Variants in PDE8A observed in about 807,000 individuals in gnomAD.
PDE8A encodes phosphodiesterase 8A, also known as high affinity cAMP-specific and IBMX-insensitive 3',5'-cyclic phosphodiesterase 8A.
In PDE8A, 59 loss-of-function variants were observed where a neutral mutation model predicts 105.0. The ratio of observed to expected loss-of-function variants is 0.56; its 90% CI spans 0.46 to 0.70. PDE8A has a LOEUF of 0.70. Ranked by LOEUF, PDE8A falls within the 30% of genes least tolerant of loss-of-function variation. PDE8A has a pLI of 0.00. For missense variants in PDE8A, 1,014 were observed against 1,045.9 expected, an observed-to-expected ratio of 0.97 and a Z score of 0.42; for synonymous variants, 355 against 371.9, an observed-to-expected ratio of 0.95 and a Z score of 0.52.
intron 5 of PDE8A, among the ~76,000 whole-genome samples, chr15:85,080,977 T>C (rs1327014141): frequency 6.6e-6 from 1 of 152,228 alleles, no homozygotes; most frequent in Non-Finnish European, 1.5e-5. Flanking sequence ...GAGGAATTCA[T>C]GCGGTCAACC....
In PDE8A at chr15:85,076,740, A is replaced by G. The variant is rs1227416591; in HGVS notation, c.499A>G (p.Arg167Gly). The G allele has an allele frequency of 1.2e-5, 19 of 1,591,940 alleles. No individual in the cohort carries two copies. The highest frequency in any genetic ancestry group is 1.6e-5 in the Non-Finnish European group (19 of 1,159,890). ...VIVGVVRRVD[R>G]EELSVMPFIS... ...TACTGTGTTATTTTGAAGGGTGGAT[A>G]GAGAAGAGTTGTCCGTAATGCCTTT... The change falls in exon 5 of 22, where the codon AGA (arginine) becomes GGA (glycine). Residue 167 changes from arginine (R) to glycine (G), a missense_variant. Transcript: ENST00000394553.
At chr15:84,981,447 C>T (rs369137724), upstream of PDE8A, among the ~76,000 whole-genome samples, 366 of 152,278 alleles carry the variant, frequency 2.4e-3, 4 homozygotes, top group East Asian at 9.1e-3. Flanking sequence ...TTCTGCGCTT[C>T]TCGACGGTGC....
At chr15:85,012,539 G>T (rs188330702) in intron 1 of PDE8A, among the ~76,000 whole-genome samples, 175 of 147,556 alleles carry the variant, frequency 1.2e-3, no homozygotes, top group African/African-American at 4.2e-3. Flanking sequence ...CACACTCTGG[G>T]GGCTGTTGTG....
At chr15:85,041,131 T>G (rs902316429) in intron 1 of PDE8A, among the ~76,000 whole-genome samples, 2 of 152,172 alleles carry the variant, frequency 1.3e-5, no homozygotes, top group African/African-American at 2.4e-5. Context: ...ACCTCAGTAA[T>G]TGGTTCCTGA....
chr15:85,096,079 G>A (rs560989868), intron 8 of PDE8A, among the ~76,000 whole-genome samples: 2 of 151,614 alleles, frequency 1.3e-5, no homozygotes, highest in East Asian at 2.0e-4. Flanking sequence ...GTTTCACCAC[G>A]TTGGCCAGGG....
At chr15:85,005,265 C>T (rs560734280) in intron 1 of PDE8A, among the ~76,000 whole-genome samples, 7 of 152,088 alleles carry the variant, frequency 4.6e-5, no homozygotes, top group Non-Finnish European at 8.8e-5. Context: ...CTGCCATGCA[C>T]CACCACATCT....
intron 5 of PDE8A, among the ~76,000 whole-genome samples, chr15:85,079,061 C>A (rs575031842): frequency 6.6e-6 from 1 of 152,264 alleles, no homozygotes; most frequent in Admixed American, 6.5e-5. Flanking sequence ...CTGCCATGTG[C>A]ATACTCCTTC....
At chr15:85,137,021 A>C (rs2082421660) in intron 21 of PDE8A, among the ~76,000 whole-genome samples, 1 of 152,090 alleles carries the variant, frequency 6.6e-6, no homozygotes, top group Non-Finnish European at 1.5e-5. Flanking sequence ...CACTCTACAC[A>C]AGACCAGAAG....
intron 1 of PDE8A, among the ~76,000 whole-genome samples, chr15:85,055,349 A>G (rs2081043409): frequency 6.6e-6 from 1 of 152,142 alleles, no homozygotes; most frequent in African/African-American, 2.4e-5. Context: ...AGCTGAGTTC[A>G]ATTCCTGGAT....
At chr15:85,071,119 T>C (rs56123990) in intron 3 of PDE8A, among the ~76,000 whole-genome samples, 17,960 of 152,170 alleles carry the variant, frequency 0.12, 1,484 homozygotes, top group East Asian at 0.37. Flanking sequence ...CTCTACTGTA[T>C]CTGTCGTACC....
At chr15:85,131,790 A>T (rs1484919340) in intron 20 of PDE8A, among the ~76,000 whole-genome samples, 2 of 152,138 alleles carry the variant, frequency 1.3e-5, no homozygotes, top group Non-Finnish European at 2.9e-5. Context: ...TCTAATGGTA[A>T]TGAATTCCCT....
At chr15:85,126,916 A>G (rs1038708975) in intron 20 of PDE8A, among the ~76,000 whole-genome samples, 6 of 152,228 alleles carry the variant, frequency 3.9e-5, no homozygotes, top group African/African-American at 1.2e-4. Context: ...CCCATCAAAA[A>G]CTATGAAGGC....
intron 19 of PDE8A, among the ~76,000 whole-genome samples, chr15:85,125,936 A>G (rs968596901): frequency 6.6e-6 from 1 of 152,196 alleles, no homozygotes; most frequent in African/African-American, 2.4e-5. Flanking sequence ...AAGAGAAGAA[A>G]GAGGCAAGGA....
At chr15:84,991,745 T>C (rs958314615) in intron 1 of PDE8A, among the ~76,000 whole-genome samples, 5 of 152,232 alleles carry the variant, frequency 3.3e-5, no homozygotes, top group African/African-American at 1.2e-4. Flanking sequence ...AAAGGAATAC[T>C]TCACAGCTGT....
chr15:85,013,164 A>G (rs565350043), intron 1 of PDE8A, among the ~76,000 whole-genome samples: 4 of 152,220 alleles, frequency 2.6e-5, no homozygotes, highest in Non-Finnish European at 4.4e-5. Flanking sequence ...TTTGTAAGGG[A>G]TGGAAGGTAG....
chr15:85,021,320 T>C (rs903150745), intron 1 of PDE8A, among the ~76,000 whole-genome samples: 4 of 152,124 alleles, frequency 2.6e-5, no homozygotes, highest in East Asian at 3.9e-4. Context: ...GGTGGGAGGA[T>C]TGCTTGAAGC....
intron 1 of PDE8A, among the ~76,000 whole-genome samples, chr15:84,995,814 C>T (rs929935967): frequency 2.0e-5 from 3 of 152,164 alleles, no homozygotes; most frequent in Non-Finnish European, 4.4e-5. Context: ...GGATTATAGG[C>T]ATGCACTACT....
intron 1 of PDE8A, among the ~76,000 whole-genome samples, chr15:84,994,284 A>G (rs1342826512): frequency 6.6e-6 from 1 of 152,238 alleles, no homozygotes; most frequent in Non-Finnish European, 1.5e-5. Context: ...GATATTAATT[A>G]CACTCACTTT....
chr15:84,981,355 A>T (rs1314186939), upstream of PDE8A, among the ~76,000 whole-genome samples: 3 of 152,036 alleles, frequency 2.0e-5, no homozygotes, highest in African/African-American at 7.2e-5. Context: ...TCGGCGCGGC[A>T]CGCTGCCGGC....
Sources: allele counts gnomAD v4.1 joint callset (sites outside exome capture counted in the v4.1 genomes callset), GRCh38; gene constraint gnomAD v4.1.1; transcripts MANE v1.5; gene names NCBI Gene and HGNC (gene_info 2026-07-23, HGNC 2026-07-21).